Variants in CACHD1 observed in about 807,000 individuals in gnomAD.
CACHD1 encodes cache domain containing 1, also known as VWFA and cache domain-containing protein 1.
CACHD1 carries 71 observed loss-of-function variants against 138.7 expected under a neutral mutation model. The observed-to-expected ratio is 0.51, with a 90% confidence interval of 0.42 to 0.62. The LOEUF is 0.62. CACHD1 is among the 20% of genes least tolerant of loss of function. The pLI, the probability that CACHD1 is intolerant of heterozygous loss-of-function variation, is 0.00. For missense variants in CACHD1, 1,389 were observed against 1,625.3 expected (o/e 0.85, Z 2.50); for synonymous variants, 578 against 591.5 (o/e 0.98, Z 0.33).
chr1:64,689,389 C>T (rs1222323719), intron 26 of CACHD1, among the ~76,000 whole-genome samples: 1 of 152,094 alleles, frequency 6.6e-6, no homozygotes, highest in Non-Finnish European at 1.5e-5. Flanking sequence ...CCCCACAGTC[C>T]CCCACATCTG....
intron 12 of CACHD1, among the ~76,000 whole-genome samples, chr1:64,655,582 G>A (rs1649235752): frequency 6.6e-6 from 1 of 152,144 alleles, no homozygotes; most frequent in Non-Finnish European, 1.5e-5. Flanking sequence ...TTCAACACAA[G>A]CAGATGGATA....
intron 15 of CACHD1, 88 bp downstream of exon 15, chr1:64,664,767 C>T (rs953545412): frequency 4.3e-6 from 5 of 1,159,610 alleles, no homozygotes; most frequent in Non-Finnish European, 6.1e-6. Flanking sequence ...AACTTCAGGG[C>T]ATTAAACTAA....
chr1:64,566,488 C>CCCCCG (rs1247493270), intron 2 of CACHD1, among the ~76,000 whole-genome samples: 1 of 144,580 alleles, frequency 6.9e-6, no homozygotes, highest in Non-Finnish European at 1.6e-5. Flanking sequence ...TTCCCCCCCC[C>CCCCCG]CCACAAGGTA....
intron 2 of CACHD1, among the ~76,000 whole-genome samples, chr1:64,562,069 C>T (rs902585594): frequency 9.2e-5 from 14 of 152,056 alleles, no homozygotes; most frequent in East Asian, 5.8e-4. Flanking sequence ...ATTCTGGCTG[C>T]GCTCAAGATT....
At chr1:64,550,472 G>A in intron 1 of CACHD1, 122 bp from the exon 2 acceptor site, 1 of 660,466 alleles carries the variant, frequency 1.5e-6, no homozygotes, top group Non-Finnish European at 2.6e-6. Context: ...TAAAATTACT[G>A]CATTTTAATT....
intron 4 of CACHD1, among the ~76,000 whole-genome samples, chr1:64,628,894 T>C (rs1390121993): frequency 6.6e-6 from 1 of 152,164 alleles, no homozygotes; most frequent in Admixed American, 6.5e-5. Flanking sequence ...GTACCATGTA[T>C]GCTGTTTCCT....
chr1:64,690,704 G>T (rs1650519833), intron 26 of CACHD1, among the ~76,000 whole-genome samples: 1 of 152,326 alleles, frequency 6.6e-6, no homozygotes. Flanking sequence ...ATTGTAAAAT[G>T]TATATTAAAA....
chr1:64,502,577 T>A (rs956160993), intron 1 of CACHD1, among the ~76,000 whole-genome samples: 2 of 151,930 alleles, frequency 1.3e-5, no homozygotes, highest in Admixed American at 6.6e-5. Flanking sequence ...TGTGCATGTG[T>A]GTTGTTTTCA....
intron 1 of CACHD1, among the ~76,000 whole-genome samples, chr1:64,525,110 C>T (rs974410541): frequency 6.6e-6 from 1 of 152,092 alleles, no homozygotes; most frequent in African/African-American, 2.4e-5. Flanking sequence ...TTTCTCTTTG[C>T]TTCTAATATT....
At chr1:64,659,726 C>T (rs1290427245) in intron 13 of CACHD1, among the ~76,000 whole-genome samples, 1 of 152,134 alleles carries the variant, frequency 6.6e-6, no homozygotes, top group African/African-American at 2.4e-5. Flanking sequence ...AGTATACTGA[C>T]AGTACAGTAA....
intron 3 of CACHD1, among the ~76,000 whole-genome samples, chr1:64,597,982 T>G (rs1224670567): frequency 6.6e-6 from 1 of 152,206 alleles, no homozygotes; most frequent in African/African-American, 2.4e-5. Flanking sequence ...TATAAGTCAC[T>G]TTTCTCAAAG....
intron 9 of CACHD1, among the ~76,000 whole-genome samples, chr1:64,651,159 T>C (rs1233991056): frequency 3.3e-5 from 5 of 152,024 alleles, no homozygotes; most frequent in Non-Finnish European, 7.4e-5. Context: ...TTATTTTTTA[T>C]AAAAAAACAA....
chr1:64,597,043 C>CA (rs1216452972), intron 3 of CACHD1, among the ~76,000 whole-genome samples: 1 of 152,006 alleles, frequency 6.6e-6, no homozygotes, highest in Non-Finnish European at 1.5e-5. Flanking sequence ...GAAATTTAAA[C>CA]AAAGACCAAG....
chr1:64,476,743 A>G (rs1646176428), intron 1 of CACHD1, among the ~76,000 whole-genome samples: 1 of 152,122 alleles, frequency 6.6e-6, no homozygotes, highest in Non-Finnish European at 1.5e-5. Flanking sequence ...TGCTGGCCTT[A>G]TTCCTTGTGC....
rs1212581807 is a variant in CACHD1, at chr1:64,577,380, G to C, written c.262-4776G>C. 2.0e-5 allele frequency among the ~76,000 whole-genome samples: 3 copies of C among 152,260 alleles called. No individual in the cohort carries two copies. In the South Asian group the frequency reaches 6.2e-4, roughly 32 times the overall value. ...TCTAATTCTTATTATAAAGTAATGA[G>C]ACTGTGCATAGCTTATGGTATCCTG... On this transcript the variant is annotated intron_variant, in intron 2 of 26. Coordinates refer to ENST00000651257, the MANE Select transcript of CACHD1 (RefSeq NM_020925.4).
At chr1:64,599,530 T>C (rs1647193392) in intron 3 of CACHD1, among the ~76,000 whole-genome samples, 1 of 152,054 alleles carries the variant, frequency 6.6e-6, no homozygotes, top group Admixed American at 6.6e-5. Flanking sequence ...GGGGCCAGTT[T>C]CGTTAGAAGT....
intron 2 of CACHD1, among the ~76,000 whole-genome samples, chr1:64,581,127 A>G (rs1407628770): frequency 1.3e-5 from 2 of 152,218 alleles, no homozygotes; most frequent in Non-Finnish European, 2.9e-5. Flanking sequence ...TGAGAACCTC[A>G]GTTATTTAAT....
intron 16 of CACHD1, among the ~76,000 whole-genome samples, chr1:64,669,231 T>C (rs1444610570): frequency 6.6e-6 from 1 of 152,180 alleles, no homozygotes; most frequent in Admixed American, 6.5e-5. Context: ...ATTGAACTGA[T>C]AGGATGAGAA....
intron 1 of CACHD1, among the ~76,000 whole-genome samples, chr1:64,524,015 T>C (rs1646518151): frequency 6.9e-6 from 1 of 144,956 alleles, no homozygotes; most frequent in South Asian, 2.1e-4. Context: ...AATGTTAAAT[T>C]GAAAAATCTG....
Sources: gnomAD v4.1 joint callset for allele counts (sites outside exome capture counted in the v4.1 genomes callset) on GRCh38, gnomAD v4.1.1 for gene constraint, MANE v1.5 for transcripts, NCBI Gene and HGNC (gene_info 2026-07-23, HGNC 2026-07-21) for gene names.